Variants in PTCHD4 observed in about 807,000 individuals in gnomAD.
PTCHD4 encodes the protein patched domain containing 4.
A neutral mutation model predicts 58.1 loss-of-function variants in PTCHD4; 33 were observed. The ratio of observed to expected loss-of-function variants is 0.57; its 90% CI spans 0.43 to 0.76. The LOEUF (loss-of-function observed/expected upper bound fraction) is 0.76, where lower values mean the gene tolerates loss of function less well. Ranked by LOEUF, PTCHD4 falls within the 30% of genes least tolerant of loss-of-function variation. The pLI is 0.00. For missense variants in PTCHD4, 1,058 were observed against 1,027.1 expected (o/e 1.03, Z -0.41); for synonymous variants, 478 against 409.6 (o/e 1.17, Z -2.02).
At chr6:48,093,627 T>A (rs952680380) in intron 1 of PTCHD4, among the ~76,000 whole-genome samples, 8 of 152,160 alleles carry the variant, frequency 5.3e-5, no homozygotes, top group Admixed American at 6.5e-5. Context: ...TGGAAAAGAA[T>A]TTTTATTAAA....
chr6:47,901,280 G>A (rs980515948), intron 4 of PTCHD4: 2 of 222,610 alleles, frequency 9.0e-6, no homozygotes, highest in Non-Finnish European at 7.5e-6. Flanking sequence ...TTACACTCAA[G>A]TTCATAAAGT....
intron 3 of PTCHD4, among the ~76,000 whole-genome samples, chr6:48,047,701 T>C (rs1764085718): frequency 6.6e-6 from 1 of 151,754 alleles, no homozygotes; most frequent in African/African-American, 2.4e-5. Context: ...GAGATTAGTG[T>C]TTTTATTAAA....
rs2114067407 is a variant in PTCHD4 at position 47,865,711 on chromosome 6, T to G, written c.*12592A>C. On this transcript the variant is annotated 3_prime_UTR_variant, in exon 5 of 5. Transcript: ENST00000339488. ...CCACAACAGCCTCCTAACTTAATTCTTTGGTTCAGGTCTCTCATCTCCAGT... is the reference window on the plus strand; with the variant it reads ...CCACAACAGCCTCCTAACTTAATTCGTTGGTTCAGGTCTCTCATCTCCAGT... Among the ~76,000 whole-genome samples the G allele has an allele frequency of 6.6e-6, 1 of 151,928 alleles. No individual in the cohort carries two copies. Among genetic ancestry groups the G allele is most frequent in the African/African-American group, 2.4e-5 (1 of 41,512 alleles).
chr6:48,081,353 A>C (rs1206247136), intron 1 of PTCHD4, among the ~76,000 whole-genome samples: 2 of 152,208 alleles, frequency 1.3e-5, no homozygotes, highest in Non-Finnish European at 2.9e-5. Context: ...GCAATACAGC[A>C]TGGTAGATAT....
Position 47,953,417 on chromosome 6 carries a change from ACAT to A in PTCHD4, c.898+55214_898+55216del, listed in dbSNP as rs1269887438. Among the ~76,000 whole-genome samples the A allele has an allele frequency of 2.0e-5, 3 of 152,320 alleles. No individual in the cohort carries two copies. The East Asian group carries it at 5.8e-4, about 29-fold the overall frequency. Reference sequence around the variant, plus strand: ...TTTAATCAAGATGTCATCTTTGTACACATCAGTATCCTACTTAGAATATAGCTA... The same window carrying A: ...TTTAATCAAGATGTCATCTTTGTACACAGTATCCTACTTAGAATATAGCTA... On this transcript the variant is annotated intron_variant, in intron 4 of 4. Coordinates refer to ENST00000339488, the MANE Select transcript of PTCHD4 (RefSeq NM_001384253.1).
intron 4 of PTCHD4, among the ~76,000 whole-genome samples, chr6:47,884,786 A>G (rs1320514460): frequency 1.3e-5 from 2 of 152,222 alleles, no homozygotes; most frequent in African/African-American, 2.4e-5. Context: ...GCTGTGTACC[A>G]TGAAAATGCG....
intron 1 of PTCHD4, among the ~76,000 whole-genome samples, chr6:48,105,178 C>G (rs1472993453): frequency 6.6e-6 from 1 of 152,150 alleles, no homozygotes; most frequent in Non-Finnish European, 1.5e-5. Flanking sequence ...CACACCTATT[C>G]CAAAATTGAC....
chr6:47,976,511 A>T (rs1767694848), intron 4 of PTCHD4, among the ~76,000 whole-genome samples: 1 of 151,866 alleles, frequency 6.6e-6, no homozygotes, highest in African/African-American at 2.4e-5. Context: ...AAAATTAGCC[A>T]GGTGTGGTGG....
intron 1 of PTCHD4, among the ~76,000 whole-genome samples, chr6:48,107,453 G>A (rs553184790): frequency 4.8e-4 from 73 of 152,240 alleles, no homozygotes; most frequent in African/African-American, 1.5e-3. Flanking sequence ...ATTAATTCAA[G>A]ATGTATTAAA....
At position 48,030,270 on chromosome 6, in the gene PTCHD4, G is replaced by A. The variant is rs1763388457; in HGVS notation, c.418-21156C>T. Among the ~76,000 whole-genome samples the A allele has an allele frequency of 2.0e-5, 3 of 151,958 alleles. No individual in the cohort carries two copies. The South Asian group carries it at 6.2e-4, about 32-fold the overall frequency. ...AATTTATTGTATTTGATAGAAACAA[G>A]GGTGACTGTAGAGAGAAAAATTATG... On this transcript the variant is annotated intron_variant, in intron 3 of 4. Transcript: ENST00000339488.
chr6:47,914,204 A>G (rs1765158186), intron 4 of PTCHD4, among the ~76,000 whole-genome samples: 1 of 152,158 alleles, frequency 6.6e-6, no homozygotes, highest in Admixed American at 6.6e-5. Context: ...TTGTTTTAGC[A>G]GCCATTTAAG....
At chr6:48,002,179 C>T (rs1457698828) in intron 4 of PTCHD4, among the ~76,000 whole-genome samples, 1 of 152,188 alleles carries the variant, frequency 6.6e-6, no homozygotes, top group Non-Finnish European at 1.5e-5. Flanking sequence ...TAAACTAGTT[C>T]AACCATTGTG....
intron 3 of PTCHD4, among the ~76,000 whole-genome samples, chr6:48,029,659 C>T (rs1763367953): frequency 6.6e-6 from 1 of 151,950 alleles, no homozygotes; most frequent in South Asian, 2.1e-4. Context: ...CTGATCTTTC[C>T]AGAATTCAGA....
In PTCHD4 at chr6:47,878,269, T is replaced by C; in HGVS notation, c.*34A>G. The C allele has an allele frequency of 6.5e-7, 1 of 1,531,166 alleles. No individual in the cohort carries two copies. Among genetic ancestry groups the C allele is most frequent in the Non-Finnish European group, 8.8e-7 (1 of 1,140,954 alleles). 94.8% of individuals were successfully genotyped at this position (1,531,166 alleles called of 1,614,324 possible). ...CTTGCCCTGCATCATTGTGCAATAC[T>C]GGAAAAGAAAAATAATCCACTGGTC... On this transcript the variant is annotated 3_prime_UTR_variant, in exon 5 of 5. Transcript: ENST00000339488.
chr6:47,972,570 CAA>C (rs1374363986), intron 4 of PTCHD4, among the ~76,000 whole-genome samples: 2 of 151,996 alleles, frequency 1.3e-5, no homozygotes, highest in Non-Finnish European at 2.9e-5. Flanking sequence ...TAAAGTTTAG[CAA>C]AGTCTTTTAG....
intron 4 of PTCHD4, among the ~76,000 whole-genome samples, chr6:47,956,674 C>T (rs1025408672): frequency 6.6e-6 from 1 of 152,082 alleles, no homozygotes; most frequent in African/African-American, 2.4e-5. Context: ...ACCTCGCGAT[C>T]TGCCTGCCTC....
At position 48,084,285 on chromosome 6, in the gene PTCHD4, CT is replaced by C; in HGVS notation, c.-969-14360del. Among the ~76,000 whole-genome samples the C allele has an allele frequency of 2.6e-5, 4 of 152,270 alleles. No individual in the cohort carries two copies. The Middle Eastern group carries it at 0.01, about 388-fold the overall frequency. On this transcript the variant is annotated intron_variant, in intron 1 of 4. Coordinates refer to ENST00000339488, the MANE Select transcript of PTCHD4 (RefSeq NM_001384253.1). ...ACTGGATACTTCTCTTGATATTTGACTTTTAACATGTGATTACATTTCAGAT... is the reference window on the plus strand; with the variant it reads ...ACTGGATACTTCTCTTGATATTTGACTTTAACATGTGATTACATTTCAGAT...
intron 3 of PTCHD4, among the ~76,000 whole-genome samples, chr6:48,045,949 A>G (rs776344004): frequency 6.6e-6 from 1 of 151,798 alleles, no homozygotes; most frequent in Non-Finnish European, 1.5e-5. Context: ...TTTAAAATCC[A>G]TATCAAGAAT....
chr6:47,860,473 A>G lies in PTCHD4; in HGVS notation c.*17830T>C, dbSNP rs2114056332. Among the ~76,000 whole-genome samples the G allele has an allele frequency of 6.6e-6, 1 of 152,158 alleles. No homozygotes were observed. Among genetic ancestry groups the G allele is most frequent in the East Asian group, 1.9e-4 (1 of 5,150 alleles). ...GATCTGATTTTGTTTAGTAATCTAC[A>G]TCATTGCTTATCCCAACTTAGAGCT... is the stretch of plus-strand genomic sequence containing the variant. On this transcript the variant is annotated 3_prime_UTR_variant, in exon 5 of 5. Transcript: ENST00000339488.
Sources: allele counts gnomAD v4.1 joint callset (sites outside exome capture counted in the v4.1 genomes callset), GRCh38; gene constraint gnomAD v4.1.1; transcripts MANE v1.5; gene names NCBI Gene and HGNC (gene_info 2026-07-23, HGNC 2026-07-21).